ZC3H18: variants seen among roughly 807,000 people sequenced by gnomAD.
ZC3H18 encodes the protein zinc finger CCCH-type containing 18.
In ZC3H18, 8 loss-of-function variants were observed where a neutral mutation model predicts 106.1. The observed-to-expected ratio is 0.08, with a 90% CI of 0.04 to 0.14. The LOEUF (loss-of-function observed/expected upper bound fraction) is 0.14, where lower values mean the gene tolerates loss of function less well. Among genes scored for constraint, ZC3H18 ranks in the 10% least tolerant of loss-of-function variants. The pLI is 1.00. For missense variants in ZC3H18, 1,318 were observed against 1,278.4 expected, an observed-to-expected ratio of 1.03 and a Z score of -0.47; for synonymous variants, 635 against 522.1, an observed-to-expected ratio of 1.22 and a Z score of -2.95.
intron 13 of ZC3H18, chr16:88,626,288 G>A (rs1023085050): frequency 2.8e-4 from 42 of 152,108 alleles, no homozygotes; most frequent in African/African-American, 9.9e-4. Context: ...ATAGTGGTGT[G>A]TGCCTATGAT....
Position 88,616,200 on chromosome 16 carries a change from G to C in ZC3H18, c.1475+4664G>C, listed in dbSNP as rs921702818. Among the ~76,000 whole-genome samples the C allele has an allele frequency of 3.9e-5, 6 of 152,212 alleles. No homozygotes were observed. In the East Asian group the frequency reaches 5.8e-4, roughly 15 times the overall value. Reference sequence around the variant, plus strand: ...GCTCAGACGTTGTCTGGCCTGATCTGGGCTCACAGCTAGGGTTCAGGAAAC... The same window carrying C: ...GCTCAGACGTTGTCTGGCCTGATCTCGGCTCACAGCTAGGGTTCAGGAAAC... On this transcript the variant is annotated intron_variant, in intron 8 of 17. Transcript: ENST00000301011.
chr16:88,571,514 T>G, intron 1 of ZC3H18: 1 of 623,590 alleles, frequency 1.6e-6, no homozygotes, highest in Non-Finnish European at 2.0e-6. Flanking sequence ...GAGGAGAGTC[T>G]TTTCCTGATA....
At chr16:88,617,925 C>A (rs1009020631) in intron 8 of ZC3H18, among the ~76,000 whole-genome samples, 1 of 152,228 alleles carries the variant, frequency 6.6e-6, no homozygotes, top group African/African-American at 2.4e-5. Context: ...TGGGAGTGGG[C>A]CAGGCTACAC....
chr16:88,577,968 G>A (rs866526434), intron 2 of ZC3H18, among the ~76,000 whole-genome samples: 13 of 152,196 alleles, frequency 8.5e-5, no homozygotes, highest in African/African-American at 2.4e-4. Flanking sequence ...GCCCTCGGCC[G>A]GCCAGCTGGT....
intron 17 of ZC3H18, 84 bp downstream of exon 17, chr16:88,630,665 C>T: frequency 8.1e-7 from 1 of 1,231,026 alleles, no homozygotes. Context: ...AGCAGCAGGG[C>T]TAGCACTGGG....
intron 6 of ZC3H18, among the ~76,000 whole-genome samples, chr16:88,603,935 A>G (rs1169357343): frequency 6.6e-6 from 1 of 151,612 alleles, no homozygotes; most frequent in Non-Finnish European, 1.5e-5. Context: ...GCCCAGCCCC[A>G]TTTCTTAAAA....
At chr16:88,573,121 A>G (rs1914514666) in intron 1 of ZC3H18, among the ~76,000 whole-genome samples, 1 of 152,004 alleles carries the variant, frequency 6.6e-6, no homozygotes, top group South Asian at 2.1e-4. Context: ...TGGTTTATTT[A>G]AGAGATCACT....
chr16:88,582,810 A>G (rs1915213903), intron 2 of ZC3H18, among the ~76,000 whole-genome samples: 1 of 152,198 alleles, frequency 6.6e-6, no homozygotes, highest in Admixed American at 6.5e-5. Context: ...ACCTGGCCCA[A>G]GCTGGCGTGA....
chr16:88,581,593 C>T (rs1478565365), intron 2 of ZC3H18, among the ~76,000 whole-genome samples: 1 of 152,176 alleles, frequency 6.6e-6, no homozygotes, highest in Non-Finnish European at 1.5e-5. Context: ...CAGCACCTGG[C>T]TCATTTGTGG....
chr16:88,616,604 G>T (rs1429163589), intron 8 of ZC3H18, among the ~76,000 whole-genome samples: 1 of 152,162 alleles, frequency 6.6e-6, no homozygotes, highest in East Asian at 1.9e-4. Flanking sequence ...TCCCTTATCA[G>T]CCAGAACTGG....
Position 88,627,272 on chromosome 16 carries a change from G to A in ZC3H18, c.2109-350G>A, listed in dbSNP as rs891760270. On this transcript the variant is annotated intron_variant, in intron 13 of 17. Transcript: ENST00000301011. This position sits in a 1 kb window ranked among gnomAD's most constrained non-coding sequence, Gnocchi z 4.5. ...TTTAGTAGAGATGGGGTTTTACCAT[G>A]TTGGCCAAGCTGGTCCCGAACTCCT... The A allele has an allele frequency of 5.4e-6, 1 of 184,948 alleles. No individual in the cohort carries two copies. Among genetic ancestry groups the A allele is most frequent in the Non-Finnish European group, 1.1e-5 (1 of 89,188 alleles). The allele number at this position is 184,948 out of a possible 1,614,324, so 11.5% of individuals were successfully genotyped here.
intron 1 of ZC3H18, among the ~76,000 whole-genome samples, chr16:88,575,409 C>T (rs186671103): frequency 2.5e-4 from 38 of 152,076 alleles, no homozygotes; most frequent in East Asian, 1.5e-3. Context: ...CCGTGACATA[C>T]GTTATTTTAA....
intron 7 of ZC3H18, among the ~76,000 whole-genome samples, chr16:88,610,846 G>T (rs545521821): frequency 4.3e-4 from 66 of 152,338 alleles, no homozygotes; most frequent in Admixed American, 4.3e-3. Context: ...AAATGGACTT[G>T]CCCAGGCCAC....
chr16:88,598,578 A>T, intron 4 of ZC3H18, 42 bp from the exon 5 acceptor site: 1 of 1,571,094 alleles, frequency 6.4e-7, no homozygotes, highest in Non-Finnish European at 8.7e-7. Context: ...GTACACTTGA[A>T]AGTTTTACTT....
At chr16:88,607,636 A>G (rs1046786748) in intron 6 of ZC3H18, among the ~76,000 whole-genome samples, 2 of 150,858 alleles carry the variant, frequency 1.3e-5, no homozygotes, top group Non-Finnish European at 3.0e-5. Flanking sequence ...GCGTCTCCCC[A>G]TTTATTCACA....
intron 3 of ZC3H18, among the ~76,000 whole-genome samples, chr16:88,587,998 G>A (rs192324722): frequency 5.2e-4 from 79 of 152,334 alleles, no homozygotes; most frequent in African/African-American, 1.8e-3. Flanking sequence ...CAAGTCACAC[G>A]TGCATGTGAG....
intron 8 of ZC3H18, among the ~76,000 whole-genome samples, chr16:88,613,038 T>A (rs1905360085): frequency 6.6e-6 from 1 of 152,148 alleles, no homozygotes; most frequent in Admixed American, 6.6e-5. Flanking sequence ...CCATCAGCAG[T>A]CACTCTCCAT....
At chr16:88,618,170 C>T (rs893121727) in intron 8 of ZC3H18, among the ~76,000 whole-genome samples, 1 of 151,382 alleles carries the variant, frequency 6.6e-6, no homozygotes, top group African/African-American at 2.4e-5. Flanking sequence ...CCACTCAGGT[C>T]GTCCATTGGA....
chr16:88,586,339 G>A (rs372836679), intron 2 of ZC3H18, among the ~76,000 whole-genome samples: 3 of 152,286 alleles, frequency 2.0e-5, no homozygotes, highest in South Asian at 2.1e-4. Context: ...GAAATGTCAC[G>A]AAAGCCCACT....
Sources: gnomAD v4.1 joint callset for allele counts (sites outside exome capture counted in the v4.1 genomes callset) on GRCh38, gnomAD v4.1.1 for gene constraint, Gnocchi (gnomAD v3.1) non-coding constraint, MANE v1.5 for transcripts, NCBI Gene and HGNC (gene_info 2026-07-23, HGNC 2026-07-21) for gene names.